The following CCDC141 variants were observed in gnomAD, a reference collection of about 807,000 sequenced individuals.
CCDC141 encodes the protein coiled-coil domain-containing protein 141.
A neutral mutation model predicts 181.0 loss-of-function variants in CCDC141; 168 were observed. That is an observed-to-expected ratio of 0.93 (90% CI 0.82 to 1.05). The LOEUF (loss-of-function observed/expected upper bound fraction) is 1.05, where lower values mean the gene tolerates loss of function less well. Ranked by LOEUF, CCDC141 falls within the 50% of genes least tolerant of loss-of-function variation. CCDC141 has a pLI of 0.00. For synonymous variants in CCDC141, 666 were observed against 642.3 expected, an observed-to-expected ratio of 1.04 and a Z score of -0.56; for missense variants, 1,902 against 1,788.5, an observed-to-expected ratio of 1.06 and a Z score of -1.14.
intron 4 of CCDC141, among the ~76,000 whole-genome samples, chr2:178,966,586 T>C (rs1690643911): frequency 6.6e-6 from 1 of 151,860 alleles, no homozygotes; most frequent in Non-Finnish European, 1.5e-5. Context: ...CTCAGAAACC[T>C]CATTTGAAGG....
At chr2:179,033,674 G>T (rs1246740925) in intron 2 of CCDC141, among the ~76,000 whole-genome samples, 3 of 152,070 alleles carry the variant, frequency 2.0e-5, no homozygotes, top group Non-Finnish European at 4.4e-5. Context: ...CTCAGACCTA[G>T]AACCTTTTTG....
chr2:178,841,113 A>T (rs1462151934), intron 22 of CCDC141, among the ~76,000 whole-genome samples: 1 of 152,194 alleles, frequency 6.6e-6, no homozygotes, highest in Non-Finnish European at 1.5e-5. Context: ...GTAGTCAACT[A>T]AAATGTCCTA....
chr2:178,942,053 T>C (rs1689546631), intron 6 of CCDC141, among the ~76,000 whole-genome samples: 2 of 148,368 alleles, frequency 1.3e-5, no homozygotes, highest in African/African-American at 5.0e-5. Flanking sequence ...AATAGGTTTC[T>C]ATGCCTCACT....
At chr2:178,939,277 G>A (rs529131694) in intron 6 of CCDC141, among the ~76,000 whole-genome samples, 9 of 152,080 alleles carry the variant, frequency 5.9e-5, no homozygotes, top group African/African-American at 2.2e-4. Context: ...TTTTGCACTG[G>A]GCCTCACAAA....
At chr2:178,919,248 T>C (rs1376261355) in intron 6 of CCDC141, among the ~76,000 whole-genome samples, 1 of 152,238 alleles carries the variant, frequency 6.6e-6, no homozygotes, top group African/African-American at 2.4e-5. Context: ...TACTTTGTTA[T>C]AGAAACTCAA....
chr2:178,820,934 A>G, the CCDC141 span, among the ~76,000 whole-genome samples: 3 of 152,202 alleles, frequency 2.0e-5, no homozygotes, highest in Admixed American at 2.0e-4. Context: ...CATGTTAAAG[A>G]TGTCAAAGTG....
intron 2 of CCDC141, among the ~76,000 whole-genome samples, chr2:179,022,365 G>A (rs2042714111): frequency 1.3e-5 from 2 of 152,162 alleles, no homozygotes; most frequent in Admixed American, 1.3e-4. Flanking sequence ...TAGAACAATA[G>A]GAAGTTTTTG....
intron 2 of CCDC141, among the ~76,000 whole-genome samples, chr2:179,024,908 T>A (rs970375039): frequency 6.6e-6 from 1 of 152,130 alleles, no homozygotes; most frequent in Non-Finnish European, 1.5e-5. Context: ...CTGCAAAAAC[T>A]TTTTAAAAAA....
intron 2 of CCDC141, among the ~76,000 whole-genome samples, chr2:178,994,716 G>C (rs1692205656): frequency 6.6e-6 from 1 of 152,124 alleles, no homozygotes; most frequent in African/African-American, 2.4e-5. Flanking sequence ...TTTATGCTCT[G>C]CTTCCCTTAT....
intron 17 of CCDC141, among the ~76,000 whole-genome samples, chr2:178,857,195 C>G (rs950982627): frequency 1.3e-5 from 2 of 152,114 alleles, no homozygotes; most frequent in Non-Finnish European, 2.9e-5. Context: ...TCACAGCCAT[C>G]ATGTATACAT....
rs1559031994 is a variant in CCDC141, at chr2:178,989,605, A to AATAAATAAAT, written c.226-10931_226-10930insATTTATTTAT. Reference sequence around the variant, plus strand: ...CAAGACCCTGCCTCAAAAAAAAAAAAAAATAAATAAATAAATAAATAAATA... The same window carrying AATAAATAAAT: ...CAAGACCCTGCCTCAAAAAAAAAAAAATAAATAAATAAATAAATAAATAAATAAATAAATA... On this transcript the variant is annotated intron_variant, in intron 2 of 23. Transcript: ENST00000443758. Among the ~76,000 whole-genome samples, 287 of 136,916 alleles carry AATAAATAAAT rather than the reference A, an allele frequency of 2.1e-3. 5 individuals carry two copies. Among genetic ancestry groups the AATAAATAAAT allele is most frequent in the South Asian group, 5.8e-3 (25 of 4,308 alleles). 89.8% of individuals were successfully genotyped at this position (136,916 alleles called of 152,430 possible).
At chr2:179,047,898 A>G (rs1352931156) in intron 1 of CCDC141, among the ~76,000 whole-genome samples, 1 of 152,208 alleles carries the variant, frequency 6.6e-6, no homozygotes, top group Non-Finnish European at 1.5e-5. Context: ...TTAGCTGAAA[A>G]TAATAAATAT....
intron 2 of CCDC141, among the ~76,000 whole-genome samples, chr2:179,032,367 G>A (rs146195312): frequency 1.7e-3 from 263 of 152,288 alleles, no homozygotes; most frequent in South Asian, 0.016. Flanking sequence ...GGATGGGGGT[G>A]GTGGTGGCTT....
At chr2:178,857,149 T>A (rs1685422804) in intron 17 of CCDC141, among the ~76,000 whole-genome samples, 1 of 152,206 alleles carries the variant, frequency 6.6e-6, no homozygotes, top group African/African-American at 2.4e-5. Flanking sequence ...GATACACTAA[T>A]ATTTGCCCCA....
Position 178,868,223 on chromosome 2 carries a change from A to T in CCDC141, c.2395-18T>A, listed in dbSNP as rs766733726. On this transcript the variant is annotated intron_variant, in intron 15 of 23. Transcript: ENST00000443758. ...CGTCCCAGCTACAATTTAGGGCATT[A>T]ACAATTAACCTGGGTTTTATATGAA... 11 of 1,595,110 alleles carry T rather than the reference A, an allele frequency of 6.9e-6. No homozygotes were observed. In the African/African-American group the frequency reaches 1.5e-4, roughly 21 times the overall value.
At chr2:178,919,053 T>C (rs1217238869) in intron 6 of CCDC141, 146 bp from the exon 7 acceptor site, 7 of 753,658 alleles carry the variant, frequency 9.3e-6, no homozygotes, top group Non-Finnish European at 1.4e-5. Context: ...AGTGACCTTA[T>C]GAAAGAGGCC....
In CCDC141 at chr2:178,871,279, T is replaced by G. The variant is rs6731864; in HGVS notation, c.2205+148A>C. The stretch of plus-strand genomic sequence containing the variant: ...GAATGCAGGAAAAAAGTAAGAAAAA[T>G]GTCTCTACAGTGGATTTTTAGACAA... On this transcript the variant is annotated intron_variant, in intron 14 of 23. Transcript: ENST00000443758. 0.38 allele frequency: 330,550 copies of G among 860,882 alleles called. 71,389 individuals carry two copies. Among genetic ancestry groups the G allele is most frequent in the Non-Finnish European group, 0.46 (257,817 of 565,198 alleles). The allele number at this position is 860,882 out of a possible 1,614,324, so 53.3% of individuals were successfully genotyped here. A position where few individuals can be genotyped will look rare whatever the true frequency, so the allele number is the denominator to read the frequency against.
In CCDC141 at chr2:178,849,235, A is replaced by T. The variant is rs971797096; in HGVS notation, c.3357+814T>A. ...CCTCAATAACAATTATCACAACAAT[A>T]ATCTTGAGTATCTTCACAGTCAATC... On this transcript the variant is annotated intron_variant, in intron 21 of 23. Transcript: ENST00000443758. Among the ~76,000 whole-genome samples the T allele has an allele frequency of 3.3e-5, 5 of 152,318 alleles. No individual in the cohort carries two copies. In the South Asian group the frequency reaches 1.0e-3, roughly 32 times the overall value.
intron 2 of CCDC141, among the ~76,000 whole-genome samples, chr2:178,979,421 A>G (rs1316645773): frequency 2.0e-5 from 3 of 152,198 alleles, no homozygotes; most frequent in African/African-American, 7.2e-5. Flanking sequence ...CAAAGAAAAC[A>G]AAAGAAATAA....
Sources: allele counts gnomAD v4.1 joint callset (sites outside exome capture counted in the v4.1 genomes callset), GRCh38; gene constraint gnomAD v4.1.1; transcripts MANE v1.5; gene names NCBI Gene and HGNC (gene_info 2026-07-23, HGNC 2026-07-21).